KLF8: variants seen among roughly 807,000 people sequenced by gnomAD.
KLF8 encodes the protein KLF transcription factor 8.
Under a neutral mutation model 18.2 loss-of-function variants are expected in KLF8, and 10 were observed. The observed-to-expected ratio is 0.55, with a 90% CI of 0.34 to 0.93. The LOEUF (loss-of-function observed/expected upper bound fraction) is 0.93, where lower values mean the gene tolerates loss of function less well. Among genes scored for constraint, KLF8 ranks in the 40% least tolerant of loss-of-function variants. KLF8 has a pLI of 0.02. For missense variants in KLF8, 264 were observed against 277.9 expected, an observed-to-expected ratio of 0.95 and a Z score of 0.36; for synonymous variants, 109 against 97.3, an observed-to-expected ratio of 1.12 and a Z score of -0.71.
chrX:56,156,729 A>AC, the KLF8 span, among the ~76,000 whole-genome samples: 1 of 45,941 alleles, frequency 2.2e-5, no homozygotes, highest in Non-Finnish European at 4.0e-5. Flanking sequence ...CCCCCTACCC[A>AC]CCCCCCACAA....
the KLF8 span, among the ~76,000 whole-genome samples, chrX:56,175,585 G>T: frequency 1.8e-5 from 2 of 111,751 alleles, no homozygotes; most frequent in Admixed American, 1.9e-4. Context: ...TGATTTTGGG[G>T]TGGAGAGTTC....
At chrX:56,216,051 A>G in the KLF8 span, among the ~76,000 whole-genome samples, 1 of 107,395 alleles carries the variant, frequency 9.3e-6, no homozygotes, top group South Asian at 4.3e-4. Flanking sequence ...AATTCTAAGA[A>G]TCATCTTAGA....
the KLF8 span, chrX:55,961,926 C>A: frequency 5.1e-6 from 1 of 197,235 alleles, no homozygotes. Context: ...TTGACATGGC[C>A]TAGCAAGGGT....
the KLF8 span, among the ~76,000 whole-genome samples, chrX:56,191,415 T>C: frequency 2.7e-5 from 3 of 111,669 alleles, no homozygotes; most frequent in Admixed American, 9.6e-5. Context: ...ACTCAAACTA[T>C]TTCAAAAACT....
intron 5 of KLF8, among the ~76,000 whole-genome samples, chrX:56,274,520 G>A (rs761213642): frequency 5.4e-5 from 6 of 111,181 alleles, no homozygotes; most frequent in Admixed American, 1.9e-4. Flanking sequence ...TAACTTTATG[G>A]CACCCCATTT....
At chrX:56,189,765 C>G in the KLF8 span, among the ~76,000 whole-genome samples, 1 of 104,986 alleles carries the variant, frequency 9.5e-6, no homozygotes, top group Non-Finnish European at 1.9e-5. Context: ...TAAACTATCA[C>G]GAGGACAAAA....
the KLF8 span, among the ~76,000 whole-genome samples, chrX:56,193,844 G>A: frequency 9.0e-6 from 1 of 111,687 alleles, no homozygotes; most frequent in South Asian, 3.7e-4. Flanking sequence ...GTGTGGGGAA[G>A]TGGGGATGCT....
the KLF8 span, among the ~76,000 whole-genome samples, chrX:56,187,135 T>G: frequency 1.8e-5 from 2 of 109,150 alleles, no homozygotes; most frequent in African/African-American, 3.3e-5. Context: ...GCAAGACTAA[T>G]AAAGAAGAAA....
At chrX:56,167,913 A>G in the KLF8 span, among the ~76,000 whole-genome samples, 4 of 111,775 alleles carry the variant, frequency 3.6e-5, no homozygotes, top group Non-Finnish European at 5.6e-5. Flanking sequence ...TGGATAAATT[A>G]TTTCCATCCC....
chrX:56,067,136 C>G, the KLF8 span, among the ~76,000 whole-genome samples: 1 of 106,719 alleles, frequency 9.4e-6, no homozygotes, highest in Non-Finnish European at 1.9e-5. Context: ...ATACTGTCTA[C>G]TCACTAATTT....
intron 5 of KLF8, among the ~76,000 whole-genome samples, chrX:56,272,758 C>G (rs1039668703): frequency 9.0e-6 from 1 of 111,290 alleles, no homozygotes; most frequent in African/African-American, 3.3e-5. Flanking sequence ...ATTCTCCACA[C>G]AGTAGCCAGA....
At chrX:56,098,920 C>T in the KLF8 span, among the ~76,000 whole-genome samples, 1 of 111,933 alleles carries the variant, frequency 8.9e-6, no homozygotes, top group Non-Finnish European at 1.9e-5. Context: ...AAATCCGTTG[C>T]ATTTCTTTAC....
chrX:55,914,525 A>G, the KLF8 span, among the ~76,000 whole-genome samples: 1 of 112,270 alleles, frequency 8.9e-6, no homozygotes, highest in African/African-American at 3.2e-5. Flanking sequence ...ACTTCAGGAG[A>G]GGAGTTTTGG....
rs945123041 is a variant in KLF8, at chrX:56,287,783, G to A, written c.*3289G>A. Reference sequence around the variant, plus strand: ...AAAAAATGTGAAGCTAGTACAGAGAGGTCTCATTTACCCCACACCCAGTTT... The same window carrying A: ...AAAAAATGTGAAGCTAGTACAGAGAAGTCTCATTTACCCCACACCCAGTTT... On this transcript the variant is annotated 3_prime_UTR_variant, in exon 6 of 6. Transcript: ENST00000468660. 1.8e-5 allele frequency: 2 copies of A among 111,587 alleles called. No homozygotes were observed. Among genetic ancestry groups the A allele is most frequent in the African/African-American group, 6.5e-5 (2 of 30,686 alleles). The allele number at this position is 111,587 out of a possible 1,213,427, so 9.2% of individuals were successfully genotyped here. A position where few individuals can be genotyped will look rare whatever the true frequency, so the allele number is the denominator to read the frequency against.
At chrX:55,944,132 T>G in the KLF8 span, among the ~76,000 whole-genome samples, 2 of 111,202 alleles carry the variant, frequency 1.8e-5, no homozygotes, top group Non-Finnish European at 3.8e-5. Flanking sequence ...CTGGATTACA[T>G]TTATTGATTT....
chrX:56,108,134 G>T, the KLF8 span, among the ~76,000 whole-genome samples: 1 of 111,513 alleles, frequency 9.0e-6, no homozygotes, highest in Non-Finnish European at 1.9e-5. Context: ...CTATATACAG[G>T]ATTATATCAT....
the KLF8 span, among the ~76,000 whole-genome samples, chrX:56,042,071 G>T: frequency 2.7e-5 from 3 of 111,765 alleles, no homozygotes; most frequent in Non-Finnish European, 3.8e-5. Flanking sequence ...ATTCTGGTTT[G>T]TTGTCCCTTT....
At chrX:56,235,887 TTTG>T (rs1393725162) in intron 1 of KLF8, among the ~76,000 whole-genome samples, 1 of 112,377 alleles carries the variant, frequency 8.9e-6, no homozygotes, top group Non-Finnish European at 1.9e-5. Flanking sequence ...TCTCATCATT[TTTG>T]TTATTTAAAA....
rs190852038 is a variant in KLF8 at position 56,285,141 on chromosome X, A to T, written c.*647A>T. The T allele has an allele frequency of 8.9e-6, 1 of 111,963 alleles. No homozygotes were observed. Among genetic ancestry groups the T allele is most frequent in the African/African-American group, 3.2e-5 (1 of 30,843 alleles). The allele number at this position is 111,963 out of a possible 1,213,427, so 9.2% of individuals were successfully genotyped here. On this transcript the variant is annotated 3_prime_UTR_variant, in exon 6 of 6. Coordinates refer to ENST00000468660, the MANE Select transcript of KLF8 (RefSeq NM_007250.5). The stretch of plus-strand genomic sequence containing the variant: ...GCTGGTGCTTCTGCTTCTTAAGTTC[A>T]TCAAGGGAATGAGGAGTTCTTGTCC...
Sources: gnomAD v4.1 joint callset for allele counts (sites outside exome capture counted in the v4.1 genomes callset) on GRCh38, gnomAD v4.1.1 for gene constraint, MANE v1.5 for transcripts, NCBI Gene and HGNC (gene_info 2026-07-23, HGNC 2026-07-21) for gene names.